DCC: variants seen among roughly 807,000 people sequenced by gnomAD.
The protein encoded by DCC is netrin receptor DCC.
A neutral mutation model predicts 172.5 loss-of-function variants in DCC; 58 were observed. The observed-to-expected ratio is 0.34, with a 90% CI of 0.27 to 0.42. DCC has a LOEUF of 0.42. Ranked by LOEUF, DCC falls within the 10% of genes least tolerant of loss-of-function variation. The pLI is 1.00. For synonymous variants in DCC, 709 were observed against 644.5 expected, an observed-to-expected ratio of 1.10 and a Z score of -1.52; for missense variants, 1,740 against 1,791.0, an observed-to-expected ratio of 0.97 and a Z score of 0.51.
chr18:53,415,755 G>A (rs148008739), intron 20 of DCC, among the ~76,000 whole-genome samples: 2 of 151,860 alleles, frequency 1.3e-5, no homozygotes, highest in Non-Finnish European at 2.9e-5. Flanking sequence ...CAAGAAAATA[G>A]CTTCCTGAAT....
intron 15 of DCC, among the ~76,000 whole-genome samples, chr18:53,370,950 C>T (rs73957175): frequency 0.045 from 6,901 of 151,884 alleles, 500 homozygotes; most frequent in African/African-American, 0.15. Flanking sequence ...GATGTTCTCT[C>T]GTCTAAGATA....
intron 1 of DCC, among the ~76,000 whole-genome samples, chr18:52,745,775 G>A (rs1167588170): frequency 6.6e-6 from 1 of 152,124 alleles, no homozygotes; most frequent in Non-Finnish European, 1.5e-5. Context: ...TATTCCTTAA[G>A]CAACCTCTGT....
intron 2 of DCC, among the ~76,000 whole-genome samples, chr18:52,852,932 T>C (rs1005206298): frequency 6.6e-6 from 1 of 152,184 alleles, no homozygotes; most frequent in Non-Finnish European, 1.5e-5. Flanking sequence ...AAGTAAGTGA[T>C]TATAGAAATG....
chr18:52,599,138 GA>G (rs2033966724), intron 1 of DCC, among the ~76,000 whole-genome samples: 1 of 152,154 alleles, frequency 6.6e-6, no homozygotes. Context: ...GGCATTAGAG[GA>G]GAGAAATACT....
chr18:53,371,229 A>G (rs974277762), intron 15 of DCC, among the ~76,000 whole-genome samples: 9 of 151,954 alleles, frequency 5.9e-5, no homozygotes, highest in Non-Finnish European at 1.2e-4. Flanking sequence ...GTCTATTTGC[A>G]GCTTATTTTA....
chr18:52,784,541 C>A (rs77105189), intron 2 of DCC, among the ~76,000 whole-genome samples: 8,023 of 151,992 alleles, frequency 0.053, 279 homozygotes, highest in South Asian at 0.16. Flanking sequence ...ACAGTATATA[C>A]GGGTTCAATT....
intron 8 of DCC, among the ~76,000 whole-genome samples, chr18:53,168,968 G>T: frequency 6.6e-6 from 1 of 152,126 alleles, no homozygotes; most frequent in Admixed American, 6.6e-5. Flanking sequence ...GTCAATAGAT[G>T]ATAGCAAAAA....
At chr18:52,417,162 G>C (rs1402235285) in intron 1 of DCC, among the ~76,000 whole-genome samples, 1 of 152,018 alleles carries the variant, frequency 6.6e-6, no homozygotes, top group Non-Finnish European at 1.5e-5. Context: ...GAAATTCTGG[G>C]TTGAAAATTC....
chr18:52,829,107 C>T (rs551489628), intron 2 of DCC, among the ~76,000 whole-genome samples: 5 of 152,152 alleles, frequency 3.3e-5, no homozygotes, highest in Non-Finnish European at 7.4e-5. Flanking sequence ...ATACTTTAAT[C>T]ATTTCCCTAT....
At chr18:52,879,411 G>GTTTTTTTTTTTT (rs1568164319) in intron 2 of DCC, among the ~76,000 whole-genome samples, 2 of 44,956 alleles carry the variant, frequency 4.4e-5, no homozygotes, top group Admixed American at 2.9e-4. Context: ...ATGTTGTTTG[G>GTTTTTTTTTTTT]CTTTTTTTTT....
At chr18:52,408,249 G>A (rs1326856324) in intron 1 of DCC, among the ~76,000 whole-genome samples, 4 of 151,940 alleles carry the variant, frequency 2.6e-5, no homozygotes, top group African/African-American at 9.7e-5. Context: ...ATTTTTTTAA[G>A]AACTGAAATG....
intron 2 of DCC, among the ~76,000 whole-genome samples, chr18:52,903,256 A>G (rs548538145): frequency 6.6e-6 from 1 of 152,302 alleles, no homozygotes; most frequent in East Asian, 1.9e-4. Context: ...CCCAGGCTAC[A>G]GTGCAGTGGC....
chr18:53,476,837 A>G (rs1055333497), intron 25 of DCC, among the ~76,000 whole-genome samples: 2 of 152,174 alleles, frequency 1.3e-5, no homozygotes, highest in Non-Finnish European at 2.9e-5. Flanking sequence ...TATTTAGCAT[A>G]TTCTCAATTT....
At chr18:52,897,425 T>G (rs957026301) in intron 2 of DCC, among the ~76,000 whole-genome samples, 4 of 152,214 alleles carry the variant, frequency 2.6e-5, no homozygotes, top group Admixed American at 6.5e-5. Flanking sequence ...ACTTTCAAAA[T>G]TTGGATGTCT....
chr18:52,946,170 A>C (rs1353523974), intron 5 of DCC, among the ~76,000 whole-genome samples: 5 of 152,164 alleles, frequency 3.3e-5, no homozygotes, highest in African/African-American at 1.2e-4. Context: ...TCAAGTACAG[A>C]TTTACATAGC....
At chr18:52,434,769 T>G (rs1438069939) in intron 1 of DCC, among the ~76,000 whole-genome samples, 1 of 151,812 alleles carries the variant, frequency 6.6e-6, no homozygotes, top group East Asian at 1.9e-4. Flanking sequence ...TTTTATTTTA[T>G]TAACACTGTT....
At chr18:53,393,925 C>CTCTCTCTCTCTCTG (rs1278638273) in intron 17 of DCC, among the ~76,000 whole-genome samples, 1 of 151,334 alleles carries the variant, frequency 6.6e-6, no homozygotes, top group Non-Finnish European at 1.5e-5. Flanking sequence ...CTCTCTCCCT[C>CTCTCTCTCTCTCTG]CCTCCCTCCC....
intron 1 of DCC, among the ~76,000 whole-genome samples, chr18:52,730,789 A>C (rs942392999): frequency 6.6e-6 from 1 of 152,192 alleles, no homozygotes; most frequent in Non-Finnish European, 1.5e-5. Context: ...GCTATGTATG[A>C]GGCCTTCGAA....
intron 1 of DCC, among the ~76,000 whole-genome samples, chr18:52,636,569 C>T (rs888886720): frequency 3.9e-5 from 6 of 152,066 alleles, no homozygotes; most frequent in Admixed American, 1.3e-4. Flanking sequence ...AGCTTTCCCC[C>T]ACTTCCCTGA....
Sources: allele counts gnomAD v4.1 joint callset (sites outside exome capture counted in the v4.1 genomes callset), GRCh38; gene constraint gnomAD v4.1.1; transcripts MANE v1.5; gene names NCBI Gene and HGNC (gene_info 2026-07-23, HGNC 2026-07-21).